The following CAPN15 variants were observed in gnomAD, a reference collection of about 807,000 sequenced individuals.
CAPN15 encodes the protein calpain-15.
Under a neutral mutation model 97.9 loss-of-function variants are expected in CAPN15, and 53 were observed. The ratio of observed to expected loss-of-function variants is 0.54; its 90% CI spans 0.43 to 0.68. The LOEUF (loss-of-function observed/expected upper bound fraction) is 0.68, where lower values mean the gene tolerates loss of function less well. CAPN15 is among the 30% of genes least tolerant of loss of function. The pLI is 0.00. For missense variants in CAPN15, 1,592 were observed against 1,589.8 expected, an observed-to-expected ratio of 1.00 and a Z score of -0.02; for synonymous variants, 922 against 722.5, an observed-to-expected ratio of 1.28 and a Z score of -4.43.
At position 547,746 on chromosome 16, in the gene CAPN15, C is replaced by T. The variant is rs143354752; in HGVS notation, c.908C>T (p.Thr303Met). 35 of 1,606,398 alleles carry T rather than the reference C, an allele frequency of 2.2e-5. No homozygotes were observed. The highest frequency in any genetic ancestry group is 5.3e-5 in the African/African-American group (4 of 74,842). The change falls in exon 4 of 14, where the codon ACG (threonine) becomes ATG (methionine). Residue 303 changes from threonine to methionine, a missense_variant. By Grantham distance (81) the Thr-to-Met change is moderately conservative. This residue lies in a region of CAPN15 where 883 missense variants were observed against 776.6 expected (regional missense o/e 1.14). Transcript: ENST00000219611. The part of the protein sequence containing the change: ...KRLSVLEEEA[T>M]EGGTSRVEAG... ...CTGAGTGTGCTGGAGGAAGAGGCCA[C>T]GGAGGGTGGCACCAGCCGCGTAGAG...
chr16:537,586 C>A, intron 3 of CAPN15: 1 of 319,204 alleles, frequency 3.1e-6, no homozygotes, highest in Non-Finnish European at 4.5e-6. Context: ...CTCCGCTAGT[C>A]GCCGCTCCCA....
Position 546,913 on chromosome 16 carries a change from C to T in CAPN15, c.75C>T (p.Ile25=). The T allele has an allele frequency of 6.2e-7, 1 of 1,611,416 alleles. No individual in the cohort carries two copies. The highest frequency in any genetic ancestry group is 8.5e-7 in the Non-Finnish European group (1 of 1,179,882). ...LNPAGQRQCS[I]CEAPRHKPDL... The stretch of plus-strand genomic sequence containing the variant: ...CGGCCGGCCAGCGCCAGTGCTCCAT[C>T]TGCGAGGCTCCCCGGCACAAGCCCG... Residue 25 remains isoleucine, a synonymous_variant, in exon 4 of 14, where the codon ATC becomes ATT. Transcript: ENST00000219611.
chr16:549,909 G>A (rs1244364003), intron 7 of CAPN15, 71 bp downstream of exon 7: 16 of 1,296,942 alleles, frequency 1.2e-5, no homozygotes, highest in Non-Finnish European at 1.7e-5. Context: ...GGAGATGTGG[G>A]GCTGGTGGCC....
Position 552,270 on chromosome 16 carries a change from G to A in CAPN15, c.2508-31G>A, listed in dbSNP as rs901071055. 92 of 1,538,792 alleles carry A rather than the reference G, an allele frequency of 6.0e-5. No homozygotes were observed. Among genetic ancestry groups the A allele is most frequent in the East Asian group, 2.0e-4 (8 of 40,842 alleles). ...GGGCTAGGCTGGCGGCCGTGACCAC[G>A]CGTGACCCTGGCCCGTGGTGTCTGG... On this transcript the variant is annotated intron_variant, in intron 10 of 13. Transcript: ENST00000219611. This position sits in a 1 kb window ranked among gnomAD's most constrained non-coding sequence, Gnocchi z 6.4.
intron 3 of CAPN15, among the ~76,000 whole-genome samples, chr16:545,848 C>A (rs1490195547): frequency 6.6e-6 from 1 of 152,250 alleles, no homozygotes; most frequent in Non-Finnish European, 1.5e-5. Context: ...GGGCCCAGGC[C>A]GGACGCCTGG....
Position 547,344 on chromosome 16 carries a change from C to A in CAPN15, c.506C>A (p.Pro169Gln). 6.5e-7 allele frequency: 1 copy of A among 1,542,066 alleles called. No individual in the cohort carries two copies. The highest frequency in any genetic ancestry group is 8.7e-7 in the Non-Finnish European group (1 of 1,150,628). ...VASSCSVCGG[P>Q]RRLSLPRIPP... Reference sequence around the variant, plus strand: ...AGCTCCTGCTCCGTCTGCGGGGGCCCACGCAGGCTCTCGCTGCCACGGATC... The same window carrying A: ...AGCTCCTGCTCCGTCTGCGGGGGCCAACGCAGGCTCTCGCTGCCACGGATC... The change falls in exon 4 of 14, where the codon CCA becomes CAA. Residue 169 changes from proline (P) to glutamine (Q), a missense_variant. By Grantham distance (76) the Pro-to-Gln change is moderately conservative (BLOSUM62 -1). This residue lies in a region of CAPN15 where 883 missense variants were observed against 776.6 expected (regional missense o/e 1.14). Transcript: ENST00000219611.
At chr16:548,373 T>C (rs1395957967) in intron 4 of CAPN15, 86 bp downstream of exon 4, 10 of 1,318,864 alleles carry the variant, frequency 7.6e-6, no homozygotes, top group Non-Finnish European at 1.0e-5. Flanking sequence ...GGCGATGGGC[T>C]GGGGAGGAGC....
rs1478245767 is a variant in CAPN15, at chr16:535,642, C to T, written c.-136-387C>T. Among the ~76,000 whole-genome samples, 1 of 152,154 alleles carries T rather than the reference C, an allele frequency of 6.6e-6. No individual in the cohort carries two copies. The highest frequency in any genetic ancestry group is 2.4e-5 in the African/African-American group (1 of 41,432). On this transcript the variant is annotated intron_variant, in intron 2 of 13. Coordinates refer to ENST00000219611, the MANE Select transcript of CAPN15 (RefSeq NM_005632.3). The surrounding 1 kb of genome is among the most constrained non-coding windows in gnomAD (Gnocchi z 6.2). ...TGGATCCACACAGCCCGGGGCCCTC[C>T]GCACCCTGCCCCTCCAGGGAGCCCA...
In CAPN15 at chr16:535,348, G is replaced by A. The variant is rs1310447622; in HGVS notation, c.-136-681G>A. ...CCTCCGGGACTCAGCCCTGTGCTGA[G>A]CCCCGGGCAGTGTGATCATCCTGGC... On this transcript the variant is annotated intron_variant, in intron 2 of 13. Transcript: ENST00000219611. The surrounding 1 kb of genome is among the most constrained non-coding windows in gnomAD (Gnocchi z 6.2). The A allele has an allele frequency of 6.5e-6, 1 of 154,176 alleles. No homozygotes were observed. The highest frequency in any genetic ancestry group is 1.5e-5 in the Non-Finnish European group (1 of 68,066). The allele number at this position is 154,176 out of a possible 1,614,324, so 9.6% of individuals were successfully genotyped here. A position where few individuals can be genotyped will look rare whatever the true frequency, so the allele number is the denominator to read the frequency against.
In CAPN15 at chr16:545,862, G is replaced by C. The variant is rs535218277; in HGVS notation, c.-22-955G>C. On this transcript the variant is annotated intron_variant, in intron 3 of 13. Coordinates refer to ENST00000219611, the MANE Select transcript of CAPN15 (RefSeq NM_005632.3). The stretch of plus-strand genomic sequence containing the variant: ...GGGGCCCAGGCCGGACGCCTGGGCT[G>C]TGCCGCCTCGGCAGCCAGGCCGAGG... Among the ~76,000 whole-genome samples the C allele has an allele frequency of 4.6e-5, 7 of 152,372 alleles. No homozygotes were observed. In the South Asian group the frequency reaches 1.4e-3, roughly 32 times the overall value.
intron 2 of CAPN15, among the ~76,000 whole-genome samples, chr16:534,235 G>GCGGCCCGGGGGCCC (rs374380680): frequency 6.6e-6 from 1 of 151,434 alleles, no homozygotes; most frequent in South Asian, 2.1e-4. Context: ...TCCCGACAGG[G>GCGGCCCGGGGGCCC]GTGTTTGTCC....
Position 547,171 on chromosome 16 carries a change from G to T in CAPN15, c.333G>T (p.Ala111=), listed in dbSNP as rs371030677. Residue 111 remains alanine (A), a synonymous_variant, in exon 4 of 14, where the codon GCG becomes GCT. Coordinates refer to ENST00000219611, the MANE Select transcript of CAPN15 (RefSeq NM_005632.3). ...AGGAAGCAGGTCCAGTGAGGACTGC[G>T]GGGCTGGTGGCCACGGAGCCCGCCA... ...CQEEAGPVRT[A]GLVATEPARG... is the part of the protein sequence containing the mutation. 4 of 1,540,416 alleles carry T rather than the reference G, an allele frequency of 2.6e-6. No homozygotes were observed. The highest frequency in any genetic ancestry group is 3.5e-6 in the Non-Finnish European group (4 of 1,147,704).
rs1161504470 is a variant in CAPN15 at position 527,724 on chromosome 16, C to T, written c.-495C>T. The T allele has an allele frequency of 6.6e-6, 1 of 151,114 alleles. No homozygotes were observed. Among genetic ancestry groups the T allele is most frequent in the Non-Finnish European group, 1.5e-5 (1 of 67,638 alleles). 9.4% of individuals were successfully genotyped at this position (151,114 alleles called of 1,614,324 possible). A position where few individuals can be genotyped will look rare whatever the true frequency, so the allele number is the denominator to read the frequency against. ...CCCTGTGGGAGCCGTAGTCCGGGCG[C>T]GCGATTCACAGCGCCGCGTGCGCCC... On this transcript the variant is annotated 5_prime_UTR_variant, in exon 1 of 14. Coordinates refer to ENST00000219611, the MANE Select transcript of CAPN15 (RefSeq NM_005632.3).
At position 544,759 on chromosome 16, in the gene CAPN15, C is replaced by T. The variant is rs1251994009; in HGVS notation, c.-22-2058C>T. 4.7e-5 allele frequency among the ~76,000 whole-genome samples: 5 copies of T among 106,522 alleles called. No individual in the cohort carries two copies. The East Asian group carries it at 8.2e-4, about 17-fold the overall frequency. 69.9% of individuals were successfully genotyped at this position (106,522 alleles called of 152,430 possible). ...GCCTCCCCCACGTCGTCGCCTCCCC[C>T]ACGTCGCCTCCCCCACGTCGTCTCC... On this transcript the variant is annotated intron_variant, in intron 3 of 13. Transcript: ENST00000219611.
intron 1 of CAPN15, among the ~76,000 whole-genome samples, chr16:530,763 C>A (rs1290396629): frequency 6.6e-6 from 1 of 152,186 alleles, no homozygotes; most frequent in Non-Finnish European, 1.5e-5. Context: ...GGCATCCTAG[C>A]CCAGGGCAGG....
At position 551,163 on chromosome 16, in the gene CAPN15, G is replaced by A. The variant is rs117010996; in HGVS notation, c.2067-139G>A. On this transcript the variant is annotated intron_variant, in intron 7 of 13. Coordinates refer to ENST00000219611, the MANE Select transcript of CAPN15 (RefSeq NM_005632.3). ...CCCCGGTCGGTGAGGGCGCCCCGTC[G>A]GTGAGGGTCCCGGTCGGTGAGGGCC... 239 of 1,182,870 alleles carry A rather than the reference G, an allele frequency of 2.0e-4. 6 individuals carry two copies. The South Asian group carries it at 2.6e-3, about 13-fold the overall frequency. 73.3% of individuals were successfully genotyped at this position (1,182,870 alleles called of 1,614,324 possible).
In CAPN15 at chr16:535,602, TGTG is replaced by T. The variant is rs936881781; in HGVS notation, c.-136-425_-136-423del. 1.1e-4 allele frequency among the ~76,000 whole-genome samples: 16 copies of T among 152,004 alleles called. No homozygotes were observed. Among genetic ancestry groups the T allele is most frequent in the Non-Finnish European group, 1.8e-4 (12 of 67,918 alleles). On this transcript the variant is annotated intron_variant, in intron 2 of 13. Transcript: ENST00000219611. This position sits in a 1 kb window ranked among gnomAD's most constrained non-coding sequence, Gnocchi z 6.2. ...GGGCGGGGAGCTGCACAGTTGGACT[TGTG>T]GGGGTCAGGCATGGATCCACACAGC...
chr16:548,030 C>T lies in CAPN15; in HGVS notation c.1192C>T (p.Arg398Trp), dbSNP rs753452010. The change falls in exon 4 of 14, where the codon CGG (arginine) becomes TGG (tryptophan). Residue 398 changes from arginine to tryptophan, a missense_variant. By Grantham distance (101) the Arg-to-Trp change is moderately radical. Coordinates refer to ENST00000219611, the MANE Select transcript of CAPN15 (RefSeq NM_005632.3). ...CAGCCCCTGCGGCAGAAGCTGCGGA[C>T]GGGTGTCCTCGGCCCAGAAGGCCGC... is the stretch of plus-strand genomic sequence containing the variant. ...KPSPCGRSCG[R>W]VSSAQKAARV... The T allele has an allele frequency of 2.0e-5, 32 of 1,563,868 alleles. No individual in the cohort carries two copies. The highest frequency in any genetic ancestry group is 2.5e-5 in the Non-Finnish European group (29 of 1,156,666).
chr16:552,917 G>T lies in CAPN15; in HGVS notation c.2959G>T (p.Val987Leu), dbSNP rs746869091. 6.2e-7 allele frequency: 1 copy of T among 1,611,640 alleles called. No individual in the cohort carries two copies. Among genetic ancestry groups the T allele is most frequent in the Non-Finnish European group, 8.5e-7 (1 of 1,179,306 alleles). ...GACACACGGTTGGGCGGGGCTCATC[G>T]TGGTGGTGGAGAACCGACACCCCAA... ...YLTHGWAGLIVVVENRHPKAY... is the reference protein window; with the variant it reads ...YLTHGWAGLILVVENRHPKAY... The change falls in exon 13 of 14, where the codon GTG (valine) becomes TTG (leucine). Residue 987 changes from valine to leucine, a missense_variant. By Grantham distance (32) the Val-to-Leu change is conservative. Transcript: ENST00000219611. The surrounding 1 kb of genome is among the most constrained non-coding windows in gnomAD (Gnocchi z 6.4).
Sources: gnomAD v4.1 joint callset for allele counts (sites outside exome capture counted in the v4.1 genomes callset) on GRCh38, gnomAD v4.1.1 for gene constraint, gnomAD v4.1.1 regional missense constraint, Gnocchi (gnomAD v3.1) non-coding constraint, MANE v1.5 for transcripts, NCBI Gene and HGNC (gene_info 2026-07-23, HGNC 2026-07-21) for gene names.